The following GALNT15 variants were observed in gnomAD, a reference collection of about 807,000 sequenced individuals.
The protein encoded by GALNT15 is polypeptide N-acetylgalactosaminyltransferase 15.
In GALNT15, 67 loss-of-function variants were observed where a neutral mutation model predicts 66.8. The ratio of observed to expected loss-of-function variants is 1.00; its 90% CI spans 0.82 to 1.23. GALNT15 has a LOEUF of 1.23. Among genes scored for constraint, GALNT15 ranks in the 50% most tolerant of loss-of-function variants. The probability of loss-of-function intolerance (pLI) is 0.00; values close to 1 mark genes in which losing one functional copy is unlikely to be tolerated. For missense variants in GALNT15, 827 were observed against 804.3 expected (o/e 1.03, Z -0.34); for synonymous variants, 313 against 311.5 (o/e 1.00, Z -0.05).
Position 16,219,657 on chromosome 3 carries a change from G to A in GALNT15, c.1524+123G>A. 1 of 1,369,918 alleles carries A rather than the reference G, an allele frequency of 7.3e-7. No individual in the cohort carries two copies. Among genetic ancestry groups the A allele is most frequent in the Non-Finnish European group, 1.0e-6 (1 of 996,834 alleles). 84.9% of individuals were successfully genotyped at this position (1,369,918 alleles called of 1,614,324 possible). A position where few individuals can be genotyped will look rare whatever the true frequency, so the allele number is the denominator to read the frequency against. On this transcript the variant is annotated intron_variant, in intron 7 of 9. Transcript: ENST00000339732. This position sits in a 1 kb window ranked among gnomAD's most constrained non-coding sequence, Gnocchi z 4.3. ...GGTTTAGCAGGGCCTCAGAGGCCTT[G>A]GGTCCATCCCGTGCCTCCATGCCAG...
rs763035769 is a variant in GALNT15, at chr3:16,175,176, C to T, written c.25C>T (p.His9Tyr). ...CATGCTCCTAAGGAAGCGATACAGG[C>T]ACAGACCATGCAGACTCCAGTTCCT... The part of the protein sequence containing the change: MLLRKRYR[H>Y]RPCRLQFLLL... Residue 9 changes from histidine to tyrosine, a missense_variant, in exon 1 of 10, where the codon CAC (histidine) becomes TAC (tyrosine). By Grantham distance (83) the His-to-Tyr change is moderately conservative (BLOSUM62 2). Transcript: ENST00000339732. This position sits in a 1 kb window ranked among gnomAD's most constrained non-coding sequence, Gnocchi z 5.6. 6.2e-7 allele frequency: 1 copy of T among 1,614,058 alleles called. No homozygotes were observed. Among genetic ancestry groups the T allele is most frequent in the Non-Finnish European group, 8.5e-7 (1 of 1,179,956 alleles).
At position 16,175,017 on chromosome 3, in the gene GALNT15, G is replaced by A; in HGVS notation, c.-135G>A. ...TGCACACGCTGTTGGCAAATGTCAG[G>A]ACCAGGTTAAGTGACTGGCAGAAAA... On this transcript the variant is annotated 5_prime_UTR_variant, in exon 1 of 10. Coordinates refer to ENST00000339732, the MANE Select transcript of GALNT15 (RefSeq NM_054110.5). This position sits in a 1 kb window ranked among gnomAD's most constrained non-coding sequence, Gnocchi z 5.6. 1.4e-6 allele frequency: 1 copy of A among 740,600 alleles called. No individual in the cohort carries two copies. Among genetic ancestry groups the A allele is most frequent in the South Asian group, 1.9e-5 (1 of 53,728 alleles). The allele number at this position is 740,600 out of a possible 1,614,324, so 45.9% of individuals were successfully genotyped here. A position where few individuals can be genotyped will look rare whatever the true frequency, so the allele number is the denominator to read the frequency against.
rs2064038932 is a variant in GALNT15, at chr3:16,227,733, A to G, written c.*233A>G. 14 of 1,360,948 alleles carry G rather than the reference A, an allele frequency of 1.0e-5. No homozygotes were observed. The highest frequency in any genetic ancestry group is 6.7e-5 in the Admixed American group (2 of 29,702). 84.3% of individuals were successfully genotyped at this position (1,360,948 alleles called of 1,614,324 possible). A position where few individuals can be genotyped will look rare whatever the true frequency, so the allele number is the denominator to read the frequency against. On this transcript the variant is annotated 3_prime_UTR_variant, in exon 10 of 10. Transcript: ENST00000339732. The surrounding 1 kb of genome is among the most constrained non-coding windows in gnomAD (Gnocchi z 4.5). ...AAGGATCCATTGTACCGTTGTCTTC[A>G]TCACTGGGAAATGATTATTACATAG...
At position 16,218,813 on chromosome 3, in the gene GALNT15, T is replaced by C. The variant is rs904286716; in HGVS notation, c.1393-590T>C. Among the ~76,000 whole-genome samples the C allele has an allele frequency of 7.8e-3, 1,056 of 134,978 alleles. 6 individuals are homozygous for C. Among genetic ancestry groups the C allele is most frequent in the African/African-American group, 0.029 (985 of 33,658 alleles). 88.6% of individuals were successfully genotyped at this position (134,978 alleles called of 152,430 possible). A position where few individuals can be genotyped will look rare whatever the true frequency, so the allele number is the denominator to read the frequency against. ...ATCATAGACTCTCTCTCTCTCTCTT[T>C]TTTTTTTTTTTTTTTTTTTGCGAGG... On this transcript the variant is annotated intron_variant, in intron 6 of 9. Coordinates refer to ENST00000339732, the MANE Select transcript of GALNT15 (RefSeq NM_054110.5).
chr3:16,185,551 A>G (rs1330553346), intron 1 of GALNT15, among the ~76,000 whole-genome samples: 2 of 152,238 alleles, frequency 1.3e-5, no homozygotes, highest in African/African-American at 2.4e-5. Context: ...CTGTAAGCAC[A>G]TTTGTAAGGC....
downstream of GALNT15, among the ~76,000 whole-genome samples, chr3:16,231,321 AATAAAT>A (rs72516792): frequency 5.1e-3 from 784 of 152,282 alleles, 3 homozygotes; most frequent in African/African-American, 0.018. This position sits in a 1 kb window ranked among gnomAD's most constrained non-coding sequence, Gnocchi z 4.1. Flanking sequence ...CTTAAAGTAA[AATAAAT>A]AATAATAGTC....
downstream of GALNT15, among the ~76,000 whole-genome samples, chr3:16,236,104 CAAAAAAAAA>C (rs558670542): frequency 1.7e-3 from 39 of 23,400 alleles, 2 homozygotes; most frequent in Admixed American, 8.0e-3. Context: ...GACTATGTCT[CAAAAAAAAA>C]AAAAAAAAAA....
intron 1 of GALNT15, among the ~76,000 whole-genome samples, chr3:16,192,469 G>GTT (rs200091869): frequency 1.3e-5 from 2 of 149,828 alleles, no homozygotes; most frequent in African/African-American, 4.9e-5. Context: ...ATAGTTTAGG[G>GTT]TTTTTTTTTT....
rs369577974 is a variant in GALNT15 at position 16,202,209 on chromosome 3, C to T, written c.911+1386C>T. 1.8e-4 allele frequency among the ~76,000 whole-genome samples: 27 copies of T among 152,318 alleles called. No homozygotes were observed. In the East Asian group the frequency reaches 4.0e-3, roughly 23 times the overall value. On this transcript the variant is annotated intron_variant, in intron 3 of 9. Transcript: ENST00000339732. ...TTCCATTTTAACAAAGAAGAACAAT[C>T]GGAACTCAAGTGAGATCAAGACAGA...
chr3:16,190,860 C>A (rs1335490678), intron 1 of GALNT15, among the ~76,000 whole-genome samples: 1 of 152,164 alleles, frequency 6.6e-6, no homozygotes, highest in Non-Finnish European at 1.5e-5. Flanking sequence ...CGGTGATTTT[C>A]AGCTCTGGTC....
At chr3:16,247,080 A>T in the GALNT15 span, among the ~76,000 whole-genome samples, 5 of 150,386 alleles carry the variant, frequency 3.3e-5, no homozygotes, top group East Asian at 9.8e-4. Context: ...TATATCTTAT[A>T]TTCCAGCAAA....
the GALNT15 span, among the ~76,000 whole-genome samples, chr3:16,245,701 G>T: frequency 2.6e-5 from 4 of 152,248 alleles, no homozygotes; most frequent in Non-Finnish European, 5.9e-5. Context: ...TCCATGGGAA[G>T]GGCAGGGGTG....
At position 16,193,243 on chromosome 3, in the gene GALNT15, C is replaced by T. The variant is rs1219236843; in HGVS notation, c.540-2517C>T. ...ACATTTTACTTTGGCTACCAGGGAT[C>T]TCAGAGTCAAATTTAAATTCATTCT... On this transcript the variant is annotated intron_variant, in intron 1 of 9. Coordinates refer to ENST00000339732, the MANE Select transcript of GALNT15 (RefSeq NM_054110.5). The surrounding 1 kb of genome is among the most constrained non-coding windows in gnomAD (Gnocchi z 4.7). Among the ~76,000 whole-genome samples the T allele has an allele frequency of 3.3e-5, 5 of 152,176 alleles. No homozygotes were observed. The highest frequency in any genetic ancestry group is 7.3e-5 in the Non-Finnish European group (5 of 68,032).
chr3:16,232,764 A>AT (rs1034961037), downstream of GALNT15, among the ~76,000 whole-genome samples: 1 of 151,542 alleles, frequency 6.6e-6, no homozygotes, highest in Non-Finnish European at 1.5e-5. Context: ...ACCGGAAATG[A>AT]TTTTGTTTAA....
chr3:16,219,347 T>C lies in GALNT15; in HGVS notation c.1393-56T>C. ...CCCAGCCACTCCATCCCCAACCATG[T>C]GAATTCTGGGCAAGACAAGCTTTCA... On this transcript the variant is annotated intron_variant, in intron 6 of 9. Transcript: ENST00000339732. This position sits in a 1 kb window ranked among gnomAD's most constrained non-coding sequence, Gnocchi z 4.3. 6.2e-7 allele frequency: 1 copy of C among 1,600,306 alleles called. No homozygotes were observed. Among genetic ancestry groups the C allele is most frequent in the Non-Finnish European group, 8.5e-7 (1 of 1,173,144 alleles).
the GALNT15 span, among the ~76,000 whole-genome samples, chr3:16,242,882 C>A: frequency 6.6e-6 from 1 of 152,118 alleles, no homozygotes; most frequent in South Asian, 2.1e-4. This position sits in a 1 kb window ranked among gnomAD's most constrained non-coding sequence, Gnocchi z 5.6. Context: ...AGAACCTGAG[C>A]AAGGCCTTGG....
At chr3:16,240,778 C>A in the GALNT15 span, among the ~76,000 whole-genome samples, 2 of 152,158 alleles carry the variant, frequency 1.3e-5, no homozygotes, top group African/African-American at 4.8e-5. Context: ...AAGCACTCTC[C>A]TTCCATAATC....
At chr3:16,196,345 C>T (rs1259160453) in intron 2 of GALNT15, among the ~76,000 whole-genome samples, 7 of 152,150 alleles carry the variant, frequency 4.6e-5, no homozygotes, top group Admixed American at 1.3e-4. Flanking sequence ...ATATGTGTAT[C>T]GGTCCTTCAC....
At chr3:16,208,436 C>T (rs1047053438) in intron 3 of GALNT15, 67 bp from the exon 4 acceptor site, 38 of 1,554,462 alleles carry the variant, frequency 2.4e-5, no homozygotes, top group Non-Finnish European at 3.3e-5. Context: ...AGCCCATGTA[C>T]AGACTGTTTC....
Sources: allele counts gnomAD v4.1 joint callset (sites outside exome capture counted in the v4.1 genomes callset), GRCh38; gene constraint gnomAD v4.1.1; non-coding constraint Gnocchi (gnomAD v3.1); transcripts MANE v1.5; gene names NCBI Gene and HGNC (gene_info 2026-07-23, HGNC 2026-07-21).